The following IFFO1 variants were observed in gnomAD, a reference collection of about 807,000 sequenced individuals.
IFFO1 encodes the protein intermediate filament family orphan 1.
A neutral mutation model predicts 59.6 loss-of-function variants in IFFO1; 42 were observed. The observed-to-expected ratio is 0.70, with a 90% CI of 0.55 to 0.91. The LOEUF (loss-of-function observed/expected upper bound fraction) is 0.91, where lower values mean the gene tolerates loss of function less well. Ranked by LOEUF, IFFO1 falls within the 40% of genes least tolerant of loss-of-function variation. IFFO1 has a pLI of 0.00. For synonymous variants in IFFO1, 336 were observed against 342.8 expected (o/e 0.98, Z 0.22); for missense variants, 711 against 793.2 (o/e 0.90, Z 1.24).
intron 1 of IFFO1, among the ~76,000 whole-genome samples, chr12:6,554,636 CCT>C (rs373070598): frequency 1.3e-5 from 2 of 152,218 alleles, no homozygotes; most frequent in Non-Finnish European, 2.9e-5. Context: ...CCAAGATTCC[CCT>C]GTCAGCCCTG....
intron 1 of IFFO1, among the ~76,000 whole-genome samples, chr12:6,552,791 C>T (rs1947285888): frequency 6.6e-6 from 1 of 152,146 alleles, no homozygotes; most frequent in Non-Finnish European, 1.5e-5. Flanking sequence ...ATCTGGAAGC[C>T]CACTACAGTT....
Position 6,549,848 on chromosome 12 carries a change from C to T in IFFO1, c.979G>A (p.Asp327Asn). 6.2e-7 allele frequency: 1 copy of T among 1,614,210 alleles called. No homozygotes were observed. The highest frequency in any genetic ancestry group is 8.5e-7 in the Non-Finnish European group (1 of 1,180,004). The change falls in exon 4 of 10, where the codon GAT becomes AAT. Residue 327 changes from aspartate to asparagine, a missense_variant. Physicochemically the swap from Asp to Asn is conservative, Grantham distance 23. Coordinates refer to ENST00000619571, the MANE Select transcript of IFFO1 (RefSeq NM_001193457.2). The surrounding 1 kb of genome is among the most constrained non-coding windows in gnomAD (Gnocchi z 5.0). ...TKIQEKAMKVDMDICRRIDIT... is the reference protein window; with the variant it reads ...TKIQEKAMKVNMDICRRIDIT... The stretch of plus-strand genomic sequence containing the variant: ...TCGATGCGGCGGCAGATGTCCATAT[C>T]CACCTTCATGGCTTTCTCCTGGATC...
chr12:6,555,957 C>G lies in IFFO1; in HGVS notation c.73G>C (p.Asp25His), dbSNP rs550558364. 1.9e-6 allele frequency: 3 copies of G among 1,561,302 alleles called. No individual in the cohort carries two copies. The highest frequency in any genetic ancestry group is 2.3e-5 in the South Asian group (2 of 86,676). ...GCGAAGTGGTCGCCTCCCAGTGAGT[C>G]CCCCAGTGGCCCGGCCAGGCCCTGC... ...EQQGLAGPLG[D>H]SLGGDHFAGG... The change falls in exon 1 of 10, where the codon GAC (aspartate) becomes CAC (histidine). Residue 25 changes from aspartate (D) to histidine (H), a missense_variant. By Grantham distance (81) the Asp-to-His change is moderately conservative. Transcript: ENST00000619571. This position sits in a 1 kb window ranked among gnomAD's most constrained non-coding sequence, Gnocchi z 8.6.
At chr12:6,550,305 C>T in intron 3 of IFFO1, 1 of 354,212 alleles carries the variant, frequency 2.8e-6, no homozygotes. Context: ...ACACTGCATG[C>T]TGGGCACTGT....
intron 1 of IFFO1, among the ~76,000 whole-genome samples, chr12:6,552,122 G>A (rs1266511702): frequency 1.8e-4 from 27 of 152,162 alleles, no homozygotes; most frequent in Admixed American, 1.8e-3. Context: ...TTAGGAAGGG[G>A]CCAAGAAGAC....
chr12:6,547,482 G>A (rs1337369913), intron 8 of IFFO1, among the ~76,000 whole-genome samples: 5 of 152,166 alleles, frequency 3.3e-5, no homozygotes, highest in South Asian at 2.1e-4. Context: ...TTGGGAGGCC[G>A]AGGCAGGAGG....
At position 6,548,448 on chromosome 12, in the gene IFFO1, C is replaced by T. The variant is rs1265830566; in HGVS notation, c.1360G>A (p.Ala454Thr). 6.2e-7 allele frequency: 1 copy of T among 1,613,526 alleles called. No individual in the cohort carries two copies. Among genetic ancestry groups the T allele is most frequent in the African/African-American group, 1.3e-5 (1 of 75,018 alleles). Residue 454 changes from alanine (A) to threonine (T), a missense_variant, in exon 7 of 10, where the codon GCA (alanine) becomes ACA (threonine). Ala to Thr is a moderately conservative substitution (Grantham distance 58, BLOSUM62 0). Transcript: ENST00000619571. The surrounding 1 kb of genome is among the most constrained non-coding windows in gnomAD (Gnocchi z 6.1). The stretch of plus-strand genomic sequence containing the variant: ...ACCTCTCCCTGGGCCTCTGCAGCTG[C>T]CATGGCATAGCCTGAGAAATCCTCC... ...LWEDFSGYAM[A>T]AAEAQGEQQE...
intron 1 of IFFO1, chr12:6,551,905 A>G: frequency 4.6e-6 from 1 of 216,530 alleles, no homozygotes; most frequent in African/African-American, 2.3e-5. Context: ...CTCATCAGCC[A>G]TGGCAGGCAG....
At chr12:6,547,948 C>A (rs1017605533) in intron 8 of IFFO1, 117 bp downstream of exon 8, 76 of 774,156 alleles carry the variant, frequency 9.8e-5, no homozygotes, top group Non-Finnish European at 1.6e-4. Flanking sequence ...AGAGATCACT[C>A]CTCCTCCCAA....
rs766043801 is a variant in IFFO1 at position 6,549,832 on chromosome 12, C to T, written c.995G>A (p.Arg332His). 7 of 1,614,054 alleles carry T rather than the reference C, an allele frequency of 4.3e-6. No individual in the cohort carries two copies. The highest frequency in any genetic ancestry group is 1.7e-5 in the Admixed American group (1 of 60,010). ...KAMKVDMDIC[R>H]RIDITAKLCD... is the part of the protein sequence containing the mutation. ...GAGCTTGGCGGTGATGTCGATGCGG[C>T]GGCAGATGTCCATATCCACCTTCAT... The change falls in exon 4 of 10, where the codon CGC becomes CAC. Residue 332 changes from arginine (R) to histidine (H), a missense_variant. By Grantham distance (29) the Arg-to-His change is conservative (BLOSUM62 0). Around this residue, in one of 3 missense-constraint regions of IFFO1, gnomAD observed 579 missense variants for 650.3 expected, o/e 0.89. Coordinates refer to ENST00000619571, the MANE Select transcript of IFFO1 (RefSeq NM_001193457.2). This position sits in a 1 kb window ranked among gnomAD's most constrained non-coding sequence, Gnocchi z 5.0.
At position 6,548,963 on chromosome 12, in the gene IFFO1, GAA is replaced by G; in HGVS notation, c.1081-116_1081-115del. 1.2e-6 allele frequency: 1 copy of G among 858,150 alleles called. No individual in the cohort carries two copies. Among genetic ancestry groups the G allele is most frequent in the Non-Finnish European group, 1.8e-6 (1 of 558,508 alleles). The allele number at this position is 858,150 out of a possible 1,614,324, so 53.2% of individuals were successfully genotyped here. On this transcript the variant is annotated intron_variant, in intron 5 of 9. Transcript: ENST00000619571. This position sits in a 1 kb window ranked among gnomAD's most constrained non-coding sequence, Gnocchi z 6.1. ...AGTAGGAAGGGGGGGCAGACAGAGAGAAAAGTCACAGTTACAATGACAGGAAC... is the reference window on the plus strand; with the variant it reads ...AGTAGGAAGGGGGGGCAGACAGAGAGAAGTCACAGTTACAATGACAGGAAC...
intron 1 of IFFO1, among the ~76,000 whole-genome samples, chr12:6,553,766 T>C (rs1231000099): frequency 6.6e-6 from 1 of 152,200 alleles, no homozygotes; most frequent in African/African-American, 2.4e-5. Context: ...AGCAAGTCCC[T>C]GTCTCAATAT....
intron 8 of IFFO1, among the ~76,000 whole-genome samples, chr12:6,545,842 T>G (rs1343745762): frequency 1.3e-5 from 2 of 152,224 alleles, no homozygotes; most frequent in African/African-American, 4.8e-5. Flanking sequence ...GGTATGGCAG[T>G]GCCCGTGTTC....
intron 8 of IFFO1, chr12:6,543,436 G>C (rs929004469): frequency 6.6e-6 from 1 of 152,180 alleles, no homozygotes; most frequent in East Asian, 1.9e-4. Flanking sequence ...TCAGATCCGC[G>C]GCGGCATTAG....
At chr12:6,543,665 TAATAGA>T (rs1304090624) in intron 8 of IFFO1, 1 of 152,142 alleles carries the variant, frequency 6.6e-6, no homozygotes, top group Non-Finnish European at 1.5e-5. Context: ...AATGTAATAA[TAATAGA>T]AATAAAGTGC....
rs958640914 is a variant in IFFO1, at chr12:6,539,659, G to A, written c.*824C>T. 1 of 152,246 alleles carries A rather than the reference G, an allele frequency of 6.6e-6. No homozygotes were observed. Among genetic ancestry groups the A allele is most frequent in the Non-Finnish European group, 1.5e-5 (1 of 68,098 alleles). 9.4% of individuals were successfully genotyped at this position (152,246 alleles called of 1,614,324 possible). On this transcript the variant is annotated 3_prime_UTR_variant, in exon 10 of 10. Coordinates refer to ENST00000619571, the MANE Select transcript of IFFO1 (RefSeq NM_001193457.2). ...TCTCCAGGCTTTTCCAAGAATCAGGGACACTGTAGCCTGTTGGTCTCAGTG... is the reference window on the plus strand; with the variant it reads ...TCTCCAGGCTTTTCCAAGAATCAGGAACACTGTAGCCTGTTGGTCTCAGTG...
downstream of IFFO1, chr12:6,539,338 G>C (rs893987391): frequency 1.3e-5 from 2 of 152,150 alleles, no homozygotes; most frequent in Non-Finnish European, 2.9e-5. Context: ...TATAGTCCCA[G>C]CTACAGGCAT....
chr12:6,552,755 G>A (rs1163501774), intron 1 of IFFO1, among the ~76,000 whole-genome samples: 1 of 152,094 alleles, frequency 6.6e-6, no homozygotes, highest in African/African-American at 2.4e-5. Flanking sequence ...AAATCTTACA[G>A]GGTAAAAAAA....
intron 8 of IFFO1, chr12:6,543,822 A>T (rs1413494821): frequency 6.6e-6 from 1 of 151,770 alleles, no homozygotes; most frequent in Non-Finnish European, 1.5e-5. Flanking sequence ...AAAATTAGCC[A>T]GGCGTGGTGG....
Sources: allele counts gnomAD v4.1 joint callset (sites outside exome capture counted in the v4.1 genomes callset), GRCh38; gene constraint gnomAD v4.1.1; regional missense constraint gnomAD v4.1.1; non-coding constraint Gnocchi (gnomAD v3.1); transcripts MANE v1.5; gene names NCBI Gene and HGNC (gene_info 2026-07-23, HGNC 2026-07-21).